The following CNGB3 variants were observed in gnomAD, a reference collection of about 807,000 sequenced individuals.
CNGB3 encodes cyclic nucleotide-gated channel beta-3.
CNGB3 carries 86 observed loss-of-function variants against 92.8 expected under a neutral mutation model. That is an observed-to-expected ratio of 0.93 (90% CI 0.78 to 1.11). The LOEUF (loss-of-function observed/expected upper bound fraction) is 1.11. Ranked by LOEUF, CNGB3 falls within the 50% of genes least tolerant of loss-of-function variation. CNGB3 has a pLI of 0.00. For missense variants in CNGB3, 1,026 were observed against 956.8 expected (o/e 1.07, Z -0.95); for synonymous variants, 333 against 332.7 (o/e 1.00, Z -0.01).
At chr8:86,609,065 C>T (rs1822469674) in intron 14 of CNGB3, among the ~76,000 whole-genome samples, 1 of 152,196 alleles carries the variant, frequency 6.6e-6, no homozygotes, top group Non-Finnish European at 1.5e-5. Flanking sequence ...ATTCCTTTTC[C>T]TGCCTTATTT....
intron 2 of CNGB3, among the ~76,000 whole-genome samples, chr8:86,727,335 GA>G (rs2131672675): frequency 6.6e-6 from 1 of 152,222 alleles, no homozygotes; most frequent in East Asian, 1.9e-4. Context: ...ATTTTGGGCT[GA>G]AATTGATACA....
intron 13 of CNGB3, among the ~76,000 whole-genome samples, chr8:86,611,909 C>T (rs1822530001): frequency 6.6e-6 from 1 of 152,096 alleles, no homozygotes; most frequent in Admixed American, 6.6e-5. Context: ...GTCTCTACTA[C>T]ATATTGCTAC....
chr8:86,620,366 G>A (rs1226924936), intron 13 of CNGB3, among the ~76,000 whole-genome samples: 1 of 152,092 alleles, frequency 6.6e-6, no homozygotes, highest in African/African-American at 2.4e-5. Flanking sequence ...GGTTTCTTCT[G>A]TGGCCTCTCT....
intron 15 of CNGB3, among the ~76,000 whole-genome samples, chr8:86,595,517 A>T (rs1286107883): frequency 2.0e-5 from 3 of 152,210 alleles, no homozygotes; most frequent in Non-Finnish European, 4.4e-5. Flanking sequence ...AATCAAAGAG[A>T]CTATATTCAA....
At chr8:86,707,132 C>G (rs76066805) in intron 3 of CNGB3, among the ~76,000 whole-genome samples, 1 of 152,082 alleles carries the variant, frequency 6.6e-6, no homozygotes, top group Non-Finnish European at 1.5e-5. Context: ...TAAAAGGCTC[C>G]CATCCATCCA....
chr8:86,635,861 T>TATATAC (rs796498363), intron 10 of CNGB3, among the ~76,000 whole-genome samples: 1,942 of 65,534 alleles, frequency 0.03, 36 homozygotes, highest in East Asian at 0.049. Flanking sequence ...TATATATATA[T>TATATAC]ATACACATAC....
chr8:86,596,627 A>G (rs1345910682), intron 15 of CNGB3, among the ~76,000 whole-genome samples: 1 of 152,222 alleles, frequency 6.6e-6, no homozygotes, highest in Non-Finnish European at 1.5e-5. Context: ...GGCTGGGGAT[A>G]GAGTATAGAA....
chr8:86,594,315 C>T, intron 15 of CNGB3: 1 of 318,320 alleles, frequency 3.1e-6, no homozygotes, highest in South Asian at 2.8e-5. Flanking sequence ...GAGAAGTCTA[C>T]ACCTGAGTCT....
chr8:86,664,170 A>G (rs932746313), intron 6 of CNGB3, among the ~76,000 whole-genome samples: 12 of 152,368 alleles, frequency 7.9e-5, no homozygotes, highest in African/African-American at 2.9e-4. Context: ...GACTTTTGGC[A>G]TAGCTTTGGC....
At chr8:86,662,582 G>C (rs1823663036) in intron 6 of CNGB3, among the ~76,000 whole-genome samples, 1 of 152,182 alleles carries the variant, frequency 6.6e-6, no homozygotes, top group Non-Finnish European at 1.5e-5. Context: ...TGGGTACTGC[G>C]ATAGCCAGGT....
intron 1 of CNGB3, among the ~76,000 whole-genome samples, chr8:86,742,603 A>G (rs1312447060): frequency 6.6e-6 from 1 of 152,174 alleles, no homozygotes; most frequent in Non-Finnish European, 1.5e-5. Context: ...TCAGATGGCA[A>G]AATAACTACT....
intron 13 of CNGB3, among the ~76,000 whole-genome samples, chr8:86,613,273 T>A (rs1173372782): frequency 1.3e-5 from 2 of 152,234 alleles, no homozygotes; most frequent in African/African-American, 4.8e-5. Flanking sequence ...CCATATTTGC[T>A]AAAGCAAATT....
chr8:86,658,746 T>C, intron 6 of CNGB3: 1 of 497,686 alleles, frequency 2.0e-6, no homozygotes, highest in Non-Finnish European at 3.7e-6. Context: ...CTCCATGTTC[T>C]CATTGTTCAG....
chr8:86,592,529 C>T (rs1048824202), intron 15 of CNGB3, among the ~76,000 whole-genome samples: 17 of 152,130 alleles, frequency 1.1e-4, no homozygotes, highest in Non-Finnish European at 2.5e-4. Context: ...AGTAACTTGC[C>T]TGGAGATACA....
intron 7 of CNGB3, among the ~76,000 whole-genome samples, chr8:86,649,305 T>C (rs1183942386): frequency 1.3e-5 from 2 of 151,440 alleles, no homozygotes; most frequent in African/African-American, 4.8e-5. Flanking sequence ...TTTCACAGAA[T>C]TAGAAAAAAC....
intron 6 of CNGB3, chr8:86,658,672 G>T (rs1206621483): frequency 1.4e-5 from 5 of 365,216 alleles, no homozygotes; most frequent in South Asian, 3.2e-5. Context: ...ATCTCCTTCA[G>T]CTCACCCAGC....
chr8:86,608,877 C>T (rs1822464079), intron 14 of CNGB3, among the ~76,000 whole-genome samples: 1 of 152,140 alleles, frequency 6.6e-6, no homozygotes, highest in African/African-American at 2.4e-5. Flanking sequence ...ACAGCACAGC[C>T]AGACATTCGG....
intron 14 of CNGB3, among the ~76,000 whole-genome samples, chr8:86,610,416 A>G (rs975861792): frequency 6.6e-6 from 1 of 150,636 alleles, no homozygotes; most frequent in African/African-American, 2.5e-5. Flanking sequence ...TTTTTGCCTT[A>G]GCTCACATTC....
chr8:86,707,832 A>G (rs1586028794), intron 3 of CNGB3: 1 of 152,120 alleles, frequency 6.6e-6, no homozygotes. Context: ...GATACGGCAA[A>G]GTCTAGATAT....
Sources: gnomAD v4.1 joint callset for allele counts (sites outside exome capture counted in the v4.1 genomes callset) on GRCh38, gnomAD v4.1.1 for gene constraint, MANE v1.5 for transcripts, NCBI Gene and HGNC (gene_info 2026-07-23, HGNC 2026-07-21) for gene names.